SDK1: variants seen among roughly 807,000 people sequenced by gnomAD.
SDK1 encodes the protein protein sidekick-1.
SDK1 carries 157 observed loss-of-function variants against 245.5 expected under a neutral mutation model. The observed-to-expected ratio is 0.64, with a 90% confidence interval of 0.56 to 0.73. The LOEUF is 0.73. Among genes scored for constraint, SDK1 ranks in the 30% least tolerant of loss-of-function variants. The pLI is 0.00. For missense variants in SDK1, 3,583 were observed against 3,002.3 expected, an observed-to-expected ratio of 1.19 and a Z score of -4.52; for synonymous variants, 1,647 against 1,278.5, an observed-to-expected ratio of 1.29 and a Z score of -6.15.
At position 4,267,811 on chromosome 7, in the gene SDK1, GAGGC is replaced by G. The variant is rs1562499451; in HGVS notation, c.*2428_*2431del. On this transcript the variant is annotated 3_prime_UTR_variant, in exon 45 of 45. Coordinates refer to ENST00000404826, the MANE Select transcript of SDK1 (RefSeq NM_152744.4). ...TTGATCTGTACGGAGCGGCCTGTCC[GAGGC>G]TACGCCGGCCTCCTGGCTGCTGCTG... The G allele has an allele frequency of 3.0e-6, 3 of 985,456 alleles. No homozygotes were observed. The African/African-American group carries it at 5.2e-5, about 17-fold the overall frequency. 61.0% of individuals were successfully genotyped at this position (985,456 alleles called of 1,614,324 possible). A position where few individuals can be genotyped will look rare whatever the true frequency, so the allele number is the denominator to read the frequency against.
At chr7:3,474,492 C>A (rs1312991415) in intron 1 of SDK1, among the ~76,000 whole-genome samples, 1 of 152,054 alleles carries the variant, frequency 6.6e-6, no homozygotes, top group Non-Finnish European at 1.5e-5. Flanking sequence ...CCTTGGCCTA[C>A]CCTTGACATG....
Position 3,840,139 on chromosome 7 carries a change from G to A in SDK1, c.847+18556G>A, listed in dbSNP as rs138644500. Among the ~76,000 whole-genome samples the A allele has an allele frequency of 3.8e-3, 573 of 152,234 alleles. 5 individuals carry two copies. The highest frequency in any genetic ancestry group is 0.013 in the African/African-American group (554 of 41,538). On this transcript the variant is annotated intron_variant, in intron 5 of 44. Coordinates refer to ENST00000404826, the MANE Select transcript of SDK1 (RefSeq NM_152744.4). The stretch of plus-strand genomic sequence containing the variant: ...ACTTAAAATATGTGAGAGGGACATC[G>A]TTTTTCAAAATTTTTATGGAGTACC...
At position 4,011,117 on chromosome 7, in the gene SDK1, C is replaced by T. The variant is rs200051946; in HGVS notation, c.2279+4C>T. ...AGTACAGCGCCGAGACAAGCAGGTG[C>T]GTGAATCCCGCCCCAGGTGGGGGTG... On this transcript the variant is annotated splice_donor_region_variant and intron_variant, in intron 15 of 44. Coordinates refer to ENST00000404826, the MANE Select transcript of SDK1 (RefSeq NM_152744.4). 33 of 1,612,972 alleles carry T rather than the reference C, an allele frequency of 2.0e-5. No individual in the cohort carries two copies. Among genetic ancestry groups the T allele is most frequent in the East Asian group, 1.1e-4 (5 of 44,868 alleles).
intron 28 of SDK1, among the ~76,000 whole-genome samples, chr7:4,141,512 A>G (rs766601924): frequency 6.6e-6 from 1 of 152,258 alleles, no homozygotes; most frequent in African/African-American, 2.4e-5. Flanking sequence ...ATAATACCTC[A>G]TTAATTCAGA....
At chr7:3,840,589 ATATT>A (rs1219276327) in intron 5 of SDK1, among the ~76,000 whole-genome samples, 8 of 152,188 alleles carry the variant, frequency 5.3e-5, no homozygotes, top group Admixed American at 3.9e-4. Context: ...TCTTAACAAG[ATATT>A]TAGGTGATTC....
Position 4,143,527 on chromosome 7 carries a change from G to A in SDK1, c.4229-2195G>A, listed in dbSNP as rs146736075. On this transcript the variant is annotated intron_variant, in intron 28 of 44. Coordinates refer to ENST00000404826, the MANE Select transcript of SDK1 (RefSeq NM_152744.4). ...CAGCAAACTGAGGCTGGGAGAGGCTGCATGGCTCATCCACGGTCACACAGT... is the reference window on the plus strand; with the variant it reads ...CAGCAAACTGAGGCTGGGAGAGGCTACATGGCTCATCCACGGTCACACAGT... Among the ~76,000 whole-genome samples, 1,009 of 152,278 alleles carry A rather than the reference G, an allele frequency of 6.6e-3. 14 individuals are homozygous for A. The highest frequency in any genetic ancestry group is 0.022 in the African/African-American group (913 of 41,550).
At chr7:3,553,195 CAGGCAGTGATCTAAG>C (rs1779471029) in intron 1 of SDK1, among the ~76,000 whole-genome samples, 1 of 152,048 alleles carries the variant, frequency 6.6e-6, no homozygotes, top group Non-Finnish European at 1.5e-5. Flanking sequence ...TATTTCATAG[CAGGCAGTGATCTAAG>C]AGCTTTAAAT....
intron 1 of SDK1, among the ~76,000 whole-genome samples, chr7:3,430,620 C>G (rs1779816263): frequency 6.6e-6 from 1 of 152,200 alleles, no homozygotes; most frequent in African/African-American, 2.4e-5. Flanking sequence ...TTTCCATCCC[C>G]TCAGTTTCAA....
In SDK1 at chr7:3,321,656, A is replaced by T. The variant is rs1158555469; in HGVS notation, c.298+19772A>T. Among the ~76,000 whole-genome samples, 6 of 151,782 alleles carry T rather than the reference A, an allele frequency of 4.0e-5. No homozygotes were observed. In the East Asian group the frequency reaches 1.2e-3, roughly 29 times the overall value. ...TTTTTTTAAACCTAATATTTAATGC[A>T]ATGAATGTGGGTTGGTTTCTCTTCT... On this transcript the variant is annotated intron_variant, in intron 1 of 44. Coordinates refer to ENST00000404826, the MANE Select transcript of SDK1 (RefSeq NM_152744.4).
chr7:4,142,062 G>T (rs1027222487), intron 28 of SDK1, among the ~76,000 whole-genome samples: 1 of 152,022 alleles, frequency 6.6e-6, no homozygotes, highest in Non-Finnish European at 1.5e-5. Flanking sequence ...GCCGGGATAG[G>T]CATGTTTTTT....
rs1780717850 is a variant in SDK1, at chr7:4,076,893, G to T, written c.3011-105G>T. On this transcript the variant is annotated intron_variant, in intron 20 of 44. Transcript: ENST00000404826. ...CTCTAAGCTGCCTTCAGCACATCCA[G>T]CCAAGCTCTCCATAGCTCCAAGCCT... 4.0e-6 allele frequency: 4 copies of T among 1,007,408 alleles called. No homozygotes were observed. The African/African-American group carries it at 4.8e-5, about 12-fold the overall frequency. 62.4% of individuals were successfully genotyped at this position (1,007,408 alleles called of 1,614,324 possible).
intron 1 of SDK1, among the ~76,000 whole-genome samples, chr7:3,394,518 AT>A (rs1414557213): frequency 2.6e-5 from 4 of 151,838 alleles, no homozygotes; most frequent in African/African-American, 9.7e-5. Flanking sequence ...TTGCATTTTC[AT>A]TTGCATTTTA....
intron 1 of SDK1, among the ~76,000 whole-genome samples, chr7:3,616,720 G>C (rs1781783888): frequency 6.6e-6 from 1 of 152,108 alleles, no homozygotes; most frequent in Non-Finnish European, 1.5e-5. Flanking sequence ...TCAACAAAAT[G>C]ACAAAATAAC....
intron 5 of SDK1, among the ~76,000 whole-genome samples, chr7:3,912,618 G>T (rs2128109377): frequency 6.6e-6 from 1 of 152,308 alleles, no homozygotes; most frequent in South Asian, 2.1e-4. Flanking sequence ...CCCTCTCCCA[G>T]GCAGGCATGG....
At chr7:3,923,122 A>G (rs1379600696) in intron 5 of SDK1, among the ~76,000 whole-genome samples, 1 of 152,110 alleles carries the variant, frequency 6.6e-6, no homozygotes, top group Non-Finnish European at 1.5e-5. Flanking sequence ...TTCCATTTTC[A>G]TATTTACAGT....
At chr7:3,753,612 C>T (rs1583376750) in intron 4 of SDK1, among the ~76,000 whole-genome samples, 1 of 152,194 alleles carries the variant, frequency 6.6e-6, no homozygotes, top group Admixed American at 6.5e-5. Context: ...TAAGGGTGAA[C>T]AGCCTACAAC....
chr7:4,074,916 A>ATATATATAT (rs1434239449), intron 20 of SDK1, among the ~76,000 whole-genome samples: 1 of 64,602 alleles, frequency 1.5e-5, no homozygotes, highest in Non-Finnish European at 2.5e-5. Context: ...ATATATATAT[A>ATATATATAT]TTTTTTTTTT....
chr7:4,008,512 A>G (rs929153949), intron 14 of SDK1, among the ~76,000 whole-genome samples: 11 of 152,256 alleles, frequency 7.2e-5, no homozygotes, highest in African/African-American at 1.2e-4. Flanking sequence ...GGGTCATACA[A>G]TCTAAACTAA....
intron 5 of SDK1, among the ~76,000 whole-genome samples, chr7:3,867,326 GATT>G (rs1190548722): frequency 6.6e-6 from 1 of 152,172 alleles, no homozygotes; most frequent in Non-Finnish European, 1.5e-5. Context: ...ACTAGAATTT[GATT>G]ATTTTGGTGT....
Sources: allele counts gnomAD v4.1 joint callset (sites outside exome capture counted in the v4.1 genomes callset), GRCh38; gene constraint gnomAD v4.1.1; transcripts MANE v1.5; gene names NCBI Gene and HGNC (gene_info 2026-07-23, HGNC 2026-07-21).